Variants in PGPEP1 observed in about 807,000 individuals in gnomAD.
PGPEP1 encodes pyroglutamyl-peptidase I, also known as pyroglutamyl-peptidase 1.
A neutral mutation model predicts 24.1 loss-of-function variants in PGPEP1; 15 were observed. That is an observed-to-expected ratio of 0.62 (90% CI 0.42 to 0.96). The LOEUF is 0.96. PGPEP1 is among the 40% of genes least tolerant of loss of function. The probability of loss-of-function intolerance (pLI) is 0.00; values close to 1 mark genes in which losing one functional copy is unlikely to be tolerated. For missense variants in PGPEP1, 242 were observed against 273.4 expected (o/e 0.89, Z 0.81); for synonymous variants, 122 against 116.4 (o/e 1.05, Z -0.31).
chr19:18,340,652 A>G lies in PGPEP1; in HGVS notation c.-30A>G, dbSNP rs771253661. The G allele has an allele frequency of 6.5e-7, 1 of 1,532,960 alleles. No homozygotes were observed. Among genetic ancestry groups the G allele is most frequent in the South Asian group, 1.2e-5 (1 of 82,896 alleles). The allele number at this position is 1,532,960 out of a possible 1,614,324, so 95.0% of individuals were successfully genotyped here. On this transcript the variant is annotated 5_prime_UTR_variant, in exon 1 of 5. Transcript: ENST00000269919. ...CAGCTGTCGCGCCAGTCGCAACAGA[A>G]GCAGGTCCGAGGCACAGCCCGATCC...
chr19:18,363,258 AGT>A (rs761946055), intron 4 of PGPEP1, 131 bp from the exon 5 acceptor site: 104 of 611,912 alleles, frequency 1.7e-4, no homozygotes, highest in Non-Finnish European at 2.8e-4. Flanking sequence ...GAGGGAGGAG[AGT>A]GTTGTTCCAT....
At chr19:18,361,944 A>G in intron 4 of PGPEP1, 1 of 911,090 alleles carries the variant, frequency 1.1e-6, no homozygotes, top group Non-Finnish European at 1.3e-6. Context: ...TTGTAAACAG[A>G]TTCATAGGAT....
chr19:18,357,653 C>T, intron 4 of PGPEP1, 38 bp downstream of exon 4: 1 of 1,425,194 alleles, frequency 7.0e-7, no homozygotes, highest in South Asian at 1.2e-5. Context: ...GGGGATTTCC[C>T]TCCTCCACCC....
intron 3 of PGPEP1, among the ~76,000 whole-genome samples, chr19:18,357,082 A>T (rs1188988265): frequency 6.6e-6 from 1 of 152,240 alleles, no homozygotes; most frequent in African/African-American, 2.4e-5. Context: ...ACACTTGCAT[A>T]GCAGCTCATT....
At chr19:18,341,431 C>T (rs996988152) in intron 1 of PGPEP1, among the ~76,000 whole-genome samples, 3 of 152,188 alleles carry the variant, frequency 2.0e-5, no homozygotes, top group Non-Finnish European at 4.4e-5. Flanking sequence ...CCAACTTCCG[C>T]TGGGGCCTCA....
chr19:18,354,022 G>T (rs887500436), intron 2 of PGPEP1, among the ~76,000 whole-genome samples: 1 of 152,124 alleles, frequency 6.6e-6, no homozygotes, highest in Non-Finnish European at 1.5e-5. Flanking sequence ...ATCACTTGAG[G>T]TCAGGAGTTT....
intron 2 of PGPEP1, among the ~76,000 whole-genome samples, chr19:18,348,208 T>C (rs1970914914): frequency 2.0e-5 from 3 of 152,036 alleles, no homozygotes; most frequent in African/African-American, 7.2e-5. Flanking sequence ...TGTTAAGGGC[T>C]GGGGAGCTCC....
Position 18,364,107 on chromosome 19 carries a change from T to TCTTTCTTTCTTTCTTTCTTTCTTG in PGPEP1, c.*531_*532insTCTTTCTTTCTTTCTTGCTTTCTT, listed in dbSNP as rs1971449171. 2.1e-5 allele frequency: 3 copies of TCTTTCTTTCTTTCTTTCTTTCTTG among 144,200 alleles called. No individual in the cohort carries two copies. Among genetic ancestry groups the TCTTTCTTTCTTTCTTTCTTTCTTG allele is most frequent in the Non-Finnish European group, 3.0e-5 (2 of 67,222 alleles). 8.9% of individuals were successfully genotyped at this position (144,200 alleles called of 1,614,324 possible). The stretch of plus-strand genomic sequence containing the variant: ...GGCTTTCTTTCTTTCTTTCTTTCTT[T>TCTTTCTTTCTTTCTTTCTTTCTTG]CTTTCTTGCTTTCTTTCTTTCTTGC... On this transcript the variant is annotated 3_prime_UTR_variant, in exon 5 of 5. Coordinates refer to ENST00000269919, the MANE Select transcript of PGPEP1 (RefSeq NM_017712.4).
chr19:18,363,647 TG>T lies in PGPEP1; in HGVS notation c.*68del. On this transcript the variant is annotated 3_prime_UTR_variant, in exon 5 of 5. Coordinates refer to ENST00000269919, the MANE Select transcript of PGPEP1 (RefSeq NM_017712.4). ...ACCCCACGAGGGGACATCCACCCTC[TG>T]GGGTGTGGCCAGGAAAAGACAAGCT... The T allele has an allele frequency of 7.8e-7, 1 of 1,282,862 alleles. No homozygotes were observed. Among genetic ancestry groups the T allele is most frequent in the Admixed American group, 2.1e-5 (1 of 47,840 alleles). 79.5% of individuals were successfully genotyped at this position (1,282,862 alleles called of 1,614,324 possible). A position where few individuals can be genotyped will look rare whatever the true frequency, so the allele number is the denominator to read the frequency against.
At position 18,364,721 on chromosome 19, in the gene PGPEP1, C is replaced by T. The variant is rs923720531; in HGVS notation, c.*1138C>T. 2 of 152,184 alleles carry T rather than the reference C, an allele frequency of 1.3e-5. No individual in the cohort carries two copies. The highest frequency in any genetic ancestry group is 4.8e-5 in the African/African-American group (2 of 41,436). 9.4% of individuals were successfully genotyped at this position (152,184 alleles called of 1,614,324 possible). A position where few individuals can be genotyped will look rare whatever the true frequency, so the allele number is the denominator to read the frequency against. On this transcript the variant is annotated 3_prime_UTR_variant, in exon 5 of 5. Transcript: ENST00000269919. ...CAGGCAACGGGGTGGGACTGCTGCC[C>T]CAGATGTGGCCATGGGGGTCGTGGT...
At position 18,369,120 on chromosome 19, in the gene PGPEP1, C is replaced by G. The variant is rs1233195963; in HGVS notation, c.*5537C>G. On this transcript the variant is annotated 3_prime_UTR_variant, in exon 5 of 5. Transcript: ENST00000269919. Reference sequence around the variant, plus strand: ...CAGAATGGCTGTTGAGGGGCAGGCGCTGCCCAGTGCCCACGTCTGGAAAGC... The same window carrying G: ...CAGAATGGCTGTTGAGGGGCAGGCGGTGCCCAGTGCCCACGTCTGGAAAGC... 1 of 152,322 alleles carries G rather than the reference C, an allele frequency of 6.6e-6. No individual in the cohort carries two copies. Among genetic ancestry groups the G allele is most frequent in the East Asian group, 1.9e-4 (1 of 5,194 alleles). 9.4% of individuals were successfully genotyped at this position (152,322 alleles called of 1,614,324 possible).
In PGPEP1 at chr19:18,364,107, TCTTTCTTG is replaced by T. The variant is rs1266104036; in HGVS notation, c.*532_*539del. 2 of 144,202 alleles carry T rather than the reference TCTTTCTTG, an allele frequency of 1.4e-5. No homozygotes were observed. The highest frequency in any genetic ancestry group is 3.0e-5 in the Non-Finnish European group (2 of 67,222). The allele number at this position is 144,202 out of a possible 1,614,324, so 8.9% of individuals were successfully genotyped here. A position where few individuals can be genotyped will look rare whatever the true frequency, so the allele number is the denominator to read the frequency against. ...GGCTTTCTTTCTTTCTTTCTTTCTT[TCTTTCTTG>T]CTTTCTTTCTTTCTTGCTTTCTTTC... is the stretch of plus-strand genomic sequence containing the variant. On this transcript the variant is annotated 3_prime_UTR_variant, in exon 5 of 5. Coordinates refer to ENST00000269919, the MANE Select transcript of PGPEP1 (RefSeq NM_017712.4).
chr19:18,349,894 G>T (rs1173199135), intron 2 of PGPEP1, among the ~76,000 whole-genome samples: 1 of 151,904 alleles, frequency 6.6e-6, no homozygotes, highest in Non-Finnish European at 1.5e-5. Context: ...GTGTGTGGGG[G>T]CTTTTTGGTC....
intron 2 of PGPEP1, among the ~76,000 whole-genome samples, chr19:18,351,511 C>T (rs955852149): frequency 1.3e-5 from 2 of 150,640 alleles, no homozygotes; most frequent in East Asian, 3.9e-4. Context: ...GTAATCCCAG[C>T]TACTTGGGAG....
intron 2 of PGPEP1, among the ~76,000 whole-genome samples, chr19:18,349,661 T>A (rs530349200): frequency 2.0e-5 from 3 of 151,974 alleles, no homozygotes; most frequent in Non-Finnish European, 4.4e-5. Context: ...ATGCGATGAG[T>A]TTTTTGCATA....
intron 3 of PGPEP1, 39 bp downstream of exon 3, chr19:18,356,050 T>A: frequency 1.5e-6 from 2 of 1,293,446 alleles, no homozygotes; most frequent in Non-Finnish European, 2.3e-6. Flanking sequence ...TCATCAGGAC[T>A]TACAGGTTGG....
At chr19:18,354,022 G>A (rs887500436) in intron 2 of PGPEP1, among the ~76,000 whole-genome samples, 2 of 152,124 alleles carry the variant, frequency 1.3e-5, no homozygotes, top group African/African-American at 2.4e-5. Context: ...ATCACTTGAG[G>A]TCAGGAGTTT....
At chr19:18,346,400 G>C (rs900546424) in intron 2 of PGPEP1, among the ~76,000 whole-genome samples, 7 of 152,126 alleles carry the variant, frequency 4.6e-5, no homozygotes, top group Admixed American at 4.6e-4. Context: ...GTTTTGTTCT[G>C]CACTGTGGGT....
chr19:18,359,046 G>A (rs761809285), intron 4 of PGPEP1, among the ~76,000 whole-genome samples: 7 of 151,944 alleles, frequency 4.6e-5, no homozygotes, highest in Non-Finnish European at 8.8e-5. Flanking sequence ...CTAGCACTTC[G>A]GGAGGCCAAG....
Sources: gnomAD v4.1 joint callset for allele counts (sites outside exome capture counted in the v4.1 genomes callset) on GRCh38, gnomAD v4.1.1 for gene constraint, MANE v1.5 for transcripts, NCBI Gene and HGNC (gene_info 2026-07-23, HGNC 2026-07-21) for gene names.